GRIK4: variants seen among roughly 807,000 people sequenced by gnomAD.
GRIK4 encodes the protein glutamate ionotropic receptor kainate type subunit 4.
Under a neutral mutation model 104.9 loss-of-function variants are expected in GRIK4, and 40 were observed. That is an observed-to-expected ratio of 0.38 (90% CI 0.30 to 0.50). The LOEUF is 0.50. Among genes scored for constraint, GRIK4 ranks in the 20% least tolerant of loss-of-function variants. The pLI, the probability that GRIK4 is intolerant of heterozygous loss-of-function variation, is 0.93. For synonymous variants in GRIK4, 485 were observed against 524.9 expected (o/e 0.92, Z 1.04); for missense variants, 1,047 against 1,308.1 (o/e 0.80, Z 3.08).
intron 11 of GRIK4, 104 bp from the exon 12 acceptor site, chr11:120,898,427 TC>T: frequency 1.4e-6 from 1 of 694,202 alleles, no homozygotes; most frequent in Non-Finnish European, 2.6e-6. Flanking sequence ...TCCACACCCC[TC>T]CCTGCTCACA....
chr11:120,879,870 G>C (rs916677616), intron 11 of GRIK4, among the ~76,000 whole-genome samples: 1 of 152,166 alleles, frequency 6.6e-6, no homozygotes, highest in Non-Finnish European at 1.5e-5. Flanking sequence ...TTCCTGATTT[G>C]GGAGAAATCT....
At position 120,953,192 on chromosome 11, in the gene GRIK4, T is replaced by C. The variant is rs1944049992; in HGVS notation, c.1700+228T>C. Among the ~76,000 whole-genome samples, 1 of 151,888 alleles carries C rather than the reference T, an allele frequency of 6.6e-6. No individual in the cohort carries two copies. Among genetic ancestry groups the C allele is most frequent in the Admixed American group, 6.6e-5 (1 of 15,264 alleles). On this transcript the variant is annotated intron_variant, in intron 15 of 20. Transcript: ENST00000527524. This position sits in a 1 kb window ranked among gnomAD's most constrained non-coding sequence, Gnocchi z 4.9. ...CCCCACTGTGCACGACGCAGACAGG[T>C]GGCTTGGCTTCTGCACCTCTGCCTC...
chr11:120,570,680 T>G (rs1948387410), intron 1 of GRIK4, among the ~76,000 whole-genome samples: 1 of 152,180 alleles, frequency 6.6e-6, no homozygotes, highest in Admixed American at 6.6e-5. Context: ...GGTCTCGAAC[T>G]GCTGGGTTCA....
intron 3 of GRIK4, among the ~76,000 whole-genome samples, chr11:120,691,454 G>A (rs934203114): frequency 6.6e-6 from 1 of 152,202 alleles, no homozygotes; most frequent in Admixed American, 6.5e-5. Flanking sequence ...CATCTTTGCA[G>A]TTAAGGAAAC....
chr11:120,785,721 G>C (rs982518167), intron 3 of GRIK4, among the ~76,000 whole-genome samples: 4 of 152,206 alleles, frequency 2.6e-5, no homozygotes, highest in Non-Finnish European at 5.9e-5. Context: ...CACTTGGGGT[G>C]TTTCCGGTTT....
chr11:120,749,692 C>G (rs1951511381), intron 3 of GRIK4, among the ~76,000 whole-genome samples: 1 of 152,120 alleles, frequency 6.6e-6, no homozygotes, highest in Admixed American at 6.5e-5. Flanking sequence ...AATGCCAGCG[C>G]TGCTTTGTGG....
intron 3 of GRIK4, among the ~76,000 whole-genome samples, chr11:120,736,037 G>A (rs1370610531): frequency 1.3e-5 from 2 of 151,942 alleles, no homozygotes; most frequent in African/African-American, 4.8e-5. Flanking sequence ...TCCTGTGGCC[G>A]AGCTAGTAAC....
chr11:120,635,027 T>C lies in GRIK4; in HGVS notation c.-158-18658T>C, dbSNP rs547838365. 2.0e-5 allele frequency among the ~76,000 whole-genome samples: 3 copies of C among 152,298 alleles called. No individual in the cohort carries two copies. The South Asian group carries it at 6.2e-4, about 32-fold the overall frequency. On this transcript the variant is annotated intron_variant, in intron 1 of 20. Coordinates refer to ENST00000527524, the MANE Select transcript of GRIK4 (RefSeq NM_014619.5). The stretch of plus-strand genomic sequence containing the variant: ...GAGGCCAGAGGACCTTGAGCAGCTA[T>C]GGGGCTTGTTTCTTGCCTTCTTTCC...
chr11:120,634,853 T>C (rs34599893), intron 1 of GRIK4, among the ~76,000 whole-genome samples: 31,824 of 152,102 alleles, frequency 0.21, 3,934 homozygotes, highest in Middle Eastern at 0.3. Flanking sequence ...TCGCCAAGCA[T>C]GTGACCTGCC....
intron 1 of GRIK4, among the ~76,000 whole-genome samples, chr11:120,562,003 T>C (rs921649300): frequency 1.3e-5 from 2 of 152,136 alleles, no homozygotes; most frequent in African/African-American, 2.4e-5. Flanking sequence ...CTTCCTCTTA[T>C]CATTCATTAG....
chr11:120,574,266 G>A (rs765350700), intron 1 of GRIK4, among the ~76,000 whole-genome samples: 4 of 152,186 alleles, frequency 2.6e-5, no homozygotes, highest in South Asian at 2.1e-4. Flanking sequence ...CCACGATCAC[G>A]TCGCTGGGCT....
intron 11 of GRIK4, among the ~76,000 whole-genome samples, chr11:120,891,736 C>T (rs1955303346): frequency 6.6e-6 from 1 of 152,028 alleles, no homozygotes; most frequent in African/African-American, 2.4e-5. Context: ...ATGGTCACAT[C>T]GATGAATGTT....
At chr11:120,769,798 G>C (rs1951907367) in intron 3 of GRIK4, among the ~76,000 whole-genome samples, 1 of 152,166 alleles carries the variant, frequency 6.6e-6, no homozygotes, top group African/African-American at 2.4e-5. Context: ...TGGTGTTTTT[G>C]AGGGTCTGCA....
At chr11:120,531,866 G>A (rs1262437314) in intron 1 of GRIK4, among the ~76,000 whole-genome samples, 3 of 152,070 alleles carry the variant, frequency 2.0e-5, no homozygotes, top group African/African-American at 2.4e-5. Context: ...GTGAGCCACC[G>A]TGCCCAGCCT....
intron 3 of GRIK4, among the ~76,000 whole-genome samples, chr11:120,771,321 A>G (rs1951937913): frequency 6.6e-6 from 1 of 152,176 alleles, no homozygotes; most frequent in Admixed American, 6.5e-5. Flanking sequence ...GGAGTGGAGG[A>G]GAGGACATCC....
intron 13 of GRIK4, among the ~76,000 whole-genome samples, chr11:120,929,454 G>A (rs569688231): frequency 3.2e-4 from 48 of 152,276 alleles, no homozygotes; most frequent in African/African-American, 1.0e-3. Flanking sequence ...CAATAGGTGC[G>A]GGTGGGAGGG....
At chr11:120,872,191 G>T in intron 9 of GRIK4, 2 of 309,144 alleles carry the variant, frequency 6.5e-6, no homozygotes, top group South Asian at 3.1e-5. Context: ...TGTGAGGCAG[G>T]GACTGCTGCT....
At chr11:120,687,172 A>G (rs1950289104) in intron 3 of GRIK4, among the ~76,000 whole-genome samples, 1 of 152,224 alleles carries the variant, frequency 6.6e-6, no homozygotes, top group Admixed American at 6.5e-5. Flanking sequence ...AGATGACATT[A>G]TCCCATTTGA....
intron 8 of GRIK4, among the ~76,000 whole-genome samples, chr11:120,849,820 G>A (rs891712728): frequency 6.6e-6 from 1 of 152,218 alleles, no homozygotes; most frequent in African/African-American, 2.4e-5. Flanking sequence ...CACAAAGTTA[G>A]CACCTTAAAA....
Sources: gnomAD v4.1 joint callset for allele counts (sites outside exome capture counted in the v4.1 genomes callset) on GRCh38, gnomAD v4.1.1 for gene constraint, Gnocchi (gnomAD v3.1) non-coding constraint, MANE v1.5 for transcripts, NCBI Gene and HGNC (gene_info 2026-07-23, HGNC 2026-07-21) for gene names.